Variants in COL22A1 observed in about 807,000 individuals in gnomAD.
The protein encoded by COL22A1 is collagen alpha-1(XXII) chain.
COL22A1 carries 221 observed loss-of-function variants against 248.9 expected under a neutral mutation model. The observed-to-expected ratio is 0.89, with a 90% confidence interval of 0.80 to 0.99. The LOEUF is 0.99. Ranked by LOEUF, COL22A1 falls within the 50% of genes least tolerant of loss-of-function variation. The pLI, the probability that COL22A1 is intolerant of heterozygous loss-of-function variation, is 0.00. For missense variants in COL22A1, 2,240 were observed against 2,179.0 expected (o/e 1.03, Z -0.56); for synonymous variants, 891 against 793.4 (o/e 1.12, Z -2.07).
chr8:138,694,930 C>T (rs377066236), intron 32 of COL22A1, 51 bp from the exon 33 acceptor site: 46 of 1,576,664 alleles, frequency 2.9e-5, no homozygotes, highest in Non-Finnish European at 3.8e-5. Flanking sequence ...AACTGCCCCT[C>T]GTCACAGGGT....
intron 47 of COL22A1, among the ~76,000 whole-genome samples, chr8:138,638,822 C>T (rs1340646651): frequency 1.3e-5 from 2 of 152,210 alleles, no homozygotes; most frequent in African/African-American, 2.4e-5. Context: ...AAGTAAATGG[C>T]TTCCTTTCAA....
intron 37 of COL22A1, among the ~76,000 whole-genome samples, chr8:138,687,308 C>A (rs1418254219): frequency 2.0e-5 from 3 of 152,212 alleles, no homozygotes; most frequent in Admixed American, 1.3e-4. Flanking sequence ...CCAAGAGAGT[C>A]TTCATAGATG....
At chr8:138,910,143 GATTC>G (rs1359316939) in intron 1 of COL22A1, among the ~76,000 whole-genome samples, 2 of 152,214 alleles carry the variant, frequency 1.3e-5, no homozygotes, top group African/African-American at 4.8e-5. Context: ...CATGTCATAT[GATTC>G]ATTCATTCAA....
intron 43 of COL22A1, among the ~76,000 whole-genome samples, chr8:138,661,028 A>G: frequency 2.5e-5 from 1 of 40,174 alleles, no homozygotes; most frequent in South Asian, 7.0e-4. Flanking sequence ...GCACATACAC[A>G]CACATATACA....
At chr8:138,721,428 G>T (rs1168828046) in intron 26 of COL22A1, among the ~76,000 whole-genome samples, 2 of 152,116 alleles carry the variant, frequency 1.3e-5, no homozygotes, top group Non-Finnish European at 2.9e-5. Context: ...ACCTGTATTT[G>T]CTCCCCAGTT....
At chr8:138,594,302 T>G (rs1373647214) in intron 62 of COL22A1, 103 bp from the exon 63 acceptor site, 2 of 952,018 alleles carry the variant, frequency 2.1e-6, no homozygotes, top group Non-Finnish European at 3.0e-6. Flanking sequence ...CGATAATAGC[T>G]GCAGAAACGG....
Position 138,725,265 on chromosome 8 carries a change from T to C in COL22A1, c.2193+122A>G, listed in dbSNP as rs1308778702. 14 of 1,014,256 alleles carry C rather than the reference T, an allele frequency of 1.4e-5. No individual in the cohort carries two copies. The East Asian group carries it at 3.1e-4, about 22-fold the overall frequency. The allele number at this position is 1,014,256 out of a possible 1,614,324, so 62.8% of individuals were successfully genotyped here. ...CTACGTGTCGGGGTCCTCCTGTGTG[T>C]GTTTTTGCACTGGACTTGGGTGGAT... On this transcript the variant is annotated intron_variant, in intron 24 of 64. Transcript: ENST00000303045.
At chr8:138,744,500 C>G (rs913547712) in intron 22 of COL22A1, among the ~76,000 whole-genome samples, 1 of 152,040 alleles carries the variant, frequency 6.6e-6, no homozygotes, top group Non-Finnish European at 1.5e-5. Flanking sequence ...CACACACACA[C>G]ACACTCATAC....
chr8:138,686,374 C>T (rs1826354023), intron 37 of COL22A1, among the ~76,000 whole-genome samples: 1 of 152,200 alleles, frequency 6.6e-6, no homozygotes, highest in African/African-American at 2.4e-5. Flanking sequence ...ACCAGACGGA[C>T]TCCTTTCCCC....
At chr8:138,821,502 C>A in intron 6 of COL22A1, 91 bp from the exon 7 acceptor site, 1 of 1,309,182 alleles carries the variant, frequency 7.6e-7, no homozygotes, top group South Asian at 1.3e-5. Context: ...TCAGACCTGG[C>A]AATCCTGAGT....
At position 138,716,421 on chromosome 8, in the gene COL22A1, G is replaced by C. The variant is rs562141221; in HGVS notation, c.2401-132C>G. On this transcript the variant is annotated intron_variant, in intron 28 of 64. Transcript: ENST00000303045. Reference sequence around the variant, plus strand: ...TGGCTTAGTGGACATCACATGGAAAGCAATGCAGTGGAGAAAGCGGAATTC... The same window carrying C: ...TGGCTTAGTGGACATCACATGGAAACCAATGCAGTGGAGAAAGCGGAATTC... 1.1e-4 allele frequency: 71 copies of C among 651,608 alleles called. 1 individual carries two copies. The highest frequency in any genetic ancestry group is 9.1e-4 in the African/African-American group (50 of 54,732). 40.4% of individuals were successfully genotyped at this position (651,608 alleles called of 1,614,324 possible).
chr8:138,801,549 T>C (rs533270664), intron 11 of COL22A1, among the ~76,000 whole-genome samples: 1 of 152,318 alleles, frequency 6.6e-6, no homozygotes, highest in East Asian at 1.9e-4. Context: ...GGTCATTCAC[T>C]GATCACCCAC....
chr8:138,850,480 G>A (rs1454423172), intron 3 of COL22A1, among the ~76,000 whole-genome samples: 1 of 152,158 alleles, frequency 6.6e-6, no homozygotes, highest in African/African-American at 2.4e-5. Flanking sequence ...CCCTAACTCA[G>A]AAAGATGCGG....
At chr8:138,636,544 G>A (rs975335493) in intron 48 of COL22A1, among the ~76,000 whole-genome samples, 198 bp downstream of exon 48, 1 of 18,806 alleles carries the variant, frequency 5.3e-5, no homozygotes, top group East Asian at 1.9e-3. Context: ...AGGCAGGGAG[G>A]CTTCTCCAAT....
At chr8:138,744,668 C>T (rs1334422146) in intron 22 of COL22A1, among the ~76,000 whole-genome samples, 3 of 152,160 alleles carry the variant, frequency 2.0e-5, no homozygotes, top group Admixed American at 6.5e-5. Flanking sequence ...GGATTAAAAC[C>T]GCCATACCTC....
chr8:138,707,454 C>CAAATTTGATGCAA (rs1193389037), intron 30 of COL22A1, among the ~76,000 whole-genome samples: 6 of 152,202 alleles, frequency 3.9e-5, no homozygotes, highest in Non-Finnish European at 8.8e-5. Flanking sequence ...AAATTGGCTT[C>CAAATTTGATGCAA]ATCCCTGGGA....
chr8:138,763,472 C>T (rs1357319435), intron 16 of COL22A1, among the ~76,000 whole-genome samples: 5 of 152,162 alleles, frequency 3.3e-5, no homozygotes, highest in African/African-American at 9.7e-5. Flanking sequence ...TCAGTGCCAT[C>T]GTCTTCCCCT....
chr8:138,744,109 T>C (rs1831920102), intron 22 of COL22A1, among the ~76,000 whole-genome samples: 1 of 152,050 alleles, frequency 6.6e-6, no homozygotes, highest in Non-Finnish European at 1.5e-5. Context: ...TGCCATGAAA[T>C]GAATCAAACA....
At chr8:138,641,273 C>T (rs929379112) in intron 47 of COL22A1, among the ~76,000 whole-genome samples, 6 of 152,182 alleles carry the variant, frequency 3.9e-5, no homozygotes, top group East Asian at 1.9e-4. Context: ...TCTGCCTCCT[C>T]GGAGTCATCC....
Sources: gnomAD v4.1 joint callset for allele counts (sites outside exome capture counted in the v4.1 genomes callset) on GRCh38, gnomAD v4.1.1 for gene constraint, MANE v1.5 for transcripts, NCBI Gene and HGNC (gene_info 2026-07-23, HGNC 2026-07-21) for gene names.